Variants in ZNF131 observed in about 807,000 individuals in gnomAD.
The protein encoded by ZNF131 is zinc finger protein 131.
ZNF131 carries 7 observed loss-of-function variants against 60.0 expected under a neutral mutation model. The ratio of observed to expected loss-of-function variants is 0.12; its 90% CI spans 0.07 to 0.22. The LOEUF (loss-of-function observed/expected upper bound fraction) is 0.22. ZNF131 is among the 10% of genes least tolerant of loss of function. ZNF131 has a pLI of 1.00. For missense variants in ZNF131, 493 were observed against 740.9 expected, an observed-to-expected ratio of 0.67 and a Z score of 3.88; for synonymous variants, 257 against 253.2, an observed-to-expected ratio of 1.01 and a Z score of -0.14.
chr5:43,131,021 C>CAA (rs1448331370), intron 3 of ZNF131, among the ~76,000 whole-genome samples: 2 of 151,638 alleles, frequency 1.3e-5, no homozygotes, highest in African/African-American at 4.8e-5. Flanking sequence ...TCACTAACCA[C>CAA]ACCTGGCCAA....
chr5:43,142,881 C>T (rs1747038530), intron 4 of ZNF131, among the ~76,000 whole-genome samples: 1 of 151,890 alleles, frequency 6.6e-6, no homozygotes, highest in African/African-American at 2.4e-5. Flanking sequence ...TTTGTAGAGA[C>T]AGGATTTCAC....
chr5:43,149,260 GAAA>G (rs36054171), intron 4 of ZNF131, among the ~76,000 whole-genome samples: 6 of 142,118 alleles, frequency 4.2e-5, no homozygotes, highest in African/African-American at 7.8e-5. Flanking sequence ...GACAGAGGGA[GAAA>G]AAAAAAAAAG....
At chr5:43,138,884 A>G (rs1009900189) in intron 3 of ZNF131, among the ~76,000 whole-genome samples, 2 of 152,182 alleles carry the variant, frequency 1.3e-5, no homozygotes, top group African/African-American at 4.8e-5. Flanking sequence ...CAAGAAATGT[A>G]GCATGTCTGA....
At chr5:43,166,475 C>T (rs764024947) in intron 5 of ZNF131, among the ~76,000 whole-genome samples, 2 of 149,234 alleles carry the variant, frequency 1.3e-5, no homozygotes, top group Non-Finnish European at 3.0e-5. Flanking sequence ...ATTCTCCTAC[C>T]TCAGCCTCCC....
chr5:43,126,974 T>C (rs528283934), intron 3 of ZNF131, among the ~76,000 whole-genome samples: 2 of 152,300 alleles, frequency 1.3e-5, no homozygotes, highest in African/African-American at 4.8e-5. Flanking sequence ...TGGGCTGTCC[T>C]CAAGTCTAAG....
chr5:43,140,361 C>T (rs985205165), intron 4 of ZNF131, among the ~76,000 whole-genome samples: 5 of 152,226 alleles, frequency 3.3e-5, no homozygotes, highest in Admixed American at 6.5e-5. Flanking sequence ...CATCCTGCTT[C>T]TACCACTGTG....
intron 4 of ZNF131, among the ~76,000 whole-genome samples, chr5:43,150,556 G>A (rs375027413): frequency 3.5e-4 from 54 of 152,214 alleles, no homozygotes; most frequent in African/African-American, 8.9e-4. Flanking sequence ...TTGGGAGGCC[G>A]AGGCGGGCGG....
chr5:43,147,466 A>G lies in ZNF131; in HGVS notation c.371+8157A>G, dbSNP rs546367800. 3.4e-4 allele frequency among the ~76,000 whole-genome samples: 52 copies of G among 151,470 alleles called. No homozygotes were observed. In the South Asian group the frequency reaches 7.7e-3, roughly 22 times the overall value. On this transcript the variant is annotated intron_variant, in intron 4 of 6. Coordinates refer to ENST00000682664, the MANE Select transcript of ZNF131 (RefSeq NM_001330707.2). Reference sequence around the variant, plus strand: ...GGAGTCTCGCTCTGTCGCCCAGGCTAGAGTGCAGTGGCGTGATCTCGGCTC... The same window carrying G: ...GGAGTCTCGCTCTGTCGCCCAGGCTGGAGTGCAGTGGCGTGATCTCGGCTC...
intron 4 of ZNF131, chr5:43,143,397 C>T (rs976328389): frequency 7.1e-7 from 1 of 1,401,650 alleles, no homozygotes; most frequent in Non-Finnish European, 9.2e-7. Context: ...ATGGACTGCA[C>T]ATAGTCCTCA....
Position 43,132,990 on chromosome 5 carries a change from A to C in ZNF131, c.227-6175A>C, listed in dbSNP as rs6890348. On this transcript the variant is annotated intron_variant, in intron 3 of 6. Coordinates refer to ENST00000682664, the MANE Select transcript of ZNF131 (RefSeq NM_001330707.2). ...TGCGGTTTGGACTTGGGCATTTCTT[A>C]GTCTAAAATCTATGTTAAATGTAGG... 2.2e-3 allele frequency among the ~76,000 whole-genome samples: 339 copies of C among 152,312 alleles called. 2 individuals are homozygous for C. Among genetic ancestry groups the C allele is most frequent in the African/African-American group, 7.7e-3 (321 of 41,580 alleles).
chr5:43,175,233 A>C lies in ZNF131; in HGVS notation c.*100A>C. ...ATTAAGCCTAACAGACAAGTGGACC[A>C]AAGTTAAGCTGTTTCCTGTTGTGCT... On this transcript the variant is annotated 3_prime_UTR_variant, in exon 7 of 7. Coordinates refer to ENST00000682664, the MANE Select transcript of ZNF131 (RefSeq NM_001330707.2). 1 of 1,210,150 alleles carries C rather than the reference A, an allele frequency of 8.3e-7. No homozygotes were observed. The highest frequency in any genetic ancestry group is 1.6e-5 in the South Asian group (1 of 63,868). 75.0% of individuals were successfully genotyped at this position (1,210,150 alleles called of 1,614,324 possible). A position where few individuals can be genotyped will look rare whatever the true frequency, so the allele number is the denominator to read the frequency against.
At chr5:43,159,938 AG>A (rs201972296) in intron 4 of ZNF131, among the ~76,000 whole-genome samples, 1,746 of 152,102 alleles carry the variant, frequency 0.011, 21 homozygotes, top group Middle Eastern at 0.031. Flanking sequence ...ACTTTGGGGG[AG>A]GCCAAGGCGG....
chr5:43,137,399 G>GA (rs1281643873), intron 3 of ZNF131, among the ~76,000 whole-genome samples: 1 of 151,738 alleles, frequency 6.6e-6, no homozygotes, highest in Non-Finnish European at 1.5e-5. Context: ...AAATGATGCA[G>GA]AAAAAAATTA....
At chr5:43,133,795 C>G (rs1745668131) in intron 3 of ZNF131, among the ~76,000 whole-genome samples, 1 of 152,102 alleles carries the variant, frequency 6.6e-6, no homozygotes, top group African/African-American at 2.4e-5. Flanking sequence ...GCTTAGTGTT[C>G]AAATAATGGA....
intron 3 of ZNF131, among the ~76,000 whole-genome samples, chr5:43,133,047 T>C (rs1745565076): frequency 6.6e-6 from 1 of 152,216 alleles, no homozygotes; most frequent in African/African-American, 2.4e-5. Context: ...TAGTGTCTCG[T>C]AGCCTTTCAT....
chr5:43,169,390 C>T (rs1281617435), intron 5 of ZNF131, among the ~76,000 whole-genome samples: 5 of 152,190 alleles, frequency 3.3e-5, no homozygotes, highest in African/African-American at 7.2e-5. Flanking sequence ...AATTGAGTCT[C>T]GTTTCTACTC....
In ZNF131 at chr5:43,123,219, T is replaced by C; in HGVS notation, c.135T>C (p.Phe45=). 6.2e-7 allele frequency: 1 copy of C among 1,605,090 alleles called. No individual in the cohort carries two copies. Residue 45 remains phenylalanine, a synonymous_variant, in exon 3 of 7, where the codon TTT becomes TTC. Transcript: ENST00000682664. ...DITLIVDGHH[F]KAHKAVLAAC... ...TCTTATTTTACCTAGGACACCATTT[T>C]AAGGCTCACAAGGCTGTTTTGGCTG...
At chr5:43,127,760 A>G (rs146995335) in intron 3 of ZNF131, among the ~76,000 whole-genome samples, 4 of 152,348 alleles carry the variant, frequency 2.6e-5, no homozygotes, top group African/African-American at 9.6e-5. Context: ...ATCCCAGCTC[A>G]GCTTTGTGGC....
chr5:43,166,234 C>T (rs1750328344), intron 5 of ZNF131, among the ~76,000 whole-genome samples: 1 of 152,184 alleles, frequency 6.6e-6, no homozygotes, highest in African/African-American at 2.4e-5. Context: ...GAGAACTTTA[C>T]CTTTTCAGTC....
Sources: allele counts gnomAD v4.1 joint callset (sites outside exome capture counted in the v4.1 genomes callset), GRCh38; gene constraint gnomAD v4.1.1; transcripts MANE v1.5; gene names NCBI Gene and HGNC (gene_info 2026-07-23, HGNC 2026-07-21).